The following ARHGEF18 variants were observed in gnomAD, a reference collection of about 807,000 sequenced individuals.
ARHGEF18 encodes the protein rho guanine nucleotide exchange factor 18.
In ARHGEF18, 93 loss-of-function variants were observed where a neutral mutation model predicts 155.7. The ratio of observed to expected loss-of-function variants is 0.60; its 90% CI spans 0.50 to 0.71. The LOEUF is 0.71. Ranked by LOEUF, ARHGEF18 falls within the 30% of genes least tolerant of loss-of-function variation. The pLI, the probability that ARHGEF18 is intolerant of heterozygous loss-of-function variation, is 0.00. For missense variants in ARHGEF18, 1,593 were observed against 1,816.1 expected, an observed-to-expected ratio of 0.88 and a Z score of 2.23; for synonymous variants, 742 against 753.1, an observed-to-expected ratio of 0.99 and a Z score of 0.24.
intron 10 of ARHGEF18, among the ~76,000 whole-genome samples, chr19:7,427,001 C>T (rs1444295086): frequency 1.3e-5 from 2 of 152,118 alleles, no homozygotes; most frequent in Admixed American, 1.3e-4. Context: ...GTGGAGGAGC[C>T]GAGGTCAGGC....
At chr19:7,350,763 GGTGGGTGTGTGTGTGTGTGTGTGTGTGT>G (rs1267069484) in intron 1 of ARHGEF18, among the ~76,000 whole-genome samples, 25 of 133,252 alleles carry the variant, frequency 1.9e-4, no homozygotes, top group East Asian at 9.7e-4. Context: ...AGTTTTTTGG[GGTGGGTGTGTGTGTGTGTGTGTGTGTGT>G]GTGTGTGTGT....
At chr19:7,391,144 C>A (rs1413282553) in intron 10 of ARHGEF18, among the ~76,000 whole-genome samples, 1 of 152,112 alleles carries the variant, frequency 6.6e-6, no homozygotes, top group Non-Finnish European at 1.5e-5. Context: ...CATGAAGGGG[C>A]CAAAACACCC....
intron 10 of ARHGEF18, among the ~76,000 whole-genome samples, chr19:7,414,763 C>T (rs984247067): frequency 2.6e-5 from 4 of 151,648 alleles, no homozygotes; most frequent in Non-Finnish European, 5.9e-5. Context: ...GAGCTGAGAT[C>T]GCGCCATTGC....
intron 20 of ARHGEF18, among the ~76,000 whole-genome samples, chr19:7,461,448 G>A (rs1976252226): frequency 6.6e-6 from 1 of 152,110 alleles, no homozygotes; most frequent in Non-Finnish European, 1.5e-5. Context: ...TACTCGGGAG[G>A]CTGAGGCAGG....
chr19:7,370,423 G>C (rs1970150645), intron 2 of ARHGEF18, among the ~76,000 whole-genome samples: 1 of 151,942 alleles, frequency 6.6e-6, no homozygotes, highest in African/African-American at 2.4e-5. Context: ...GTGAACCCGG[G>C]AGGTGGAGCT....
intron 10 of ARHGEF18, among the ~76,000 whole-genome samples, chr19:7,397,160 G>A (rs1971759393): frequency 6.6e-6 from 1 of 150,590 alleles, no homozygotes; most frequent in African/African-American, 2.4e-5. Flanking sequence ...GCAAACAGCT[G>A]GCAGGCATAA....
chr19:7,376,849 C>A, intron 5 of ARHGEF18, 92 bp downstream of exon 5: 1 of 928,604 alleles, frequency 1.1e-6, no homozygotes, highest in Non-Finnish European at 1.4e-6. Context: ...TTTCATCCTT[C>A]ATCCTGGAGG....
chr19:7,458,419 A>G, intron 18 of ARHGEF18, 93 bp from the exon 19 acceptor site: 1 of 1,193,946 alleles, frequency 8.4e-7, no homozygotes, highest in Non-Finnish European at 1.2e-6. Flanking sequence ...CGTGACCCCC[A>G]CTCTTAGTTC....
intron 3 of ARHGEF18, among the ~76,000 whole-genome samples, chr19:7,374,926 G>A (rs552603356): frequency 2.0e-5 from 3 of 152,152 alleles, no homozygotes; most frequent in Admixed American, 2.0e-4. Context: ...GAGGCAGGGG[G>A]TGCTCTAGCC....
chr19:7,386,063 G>C (rs915162336), intron 10 of ARHGEF18, among the ~76,000 whole-genome samples: 2 of 136,778 alleles, frequency 1.5e-5, no homozygotes, highest in African/African-American at 2.8e-5. Context: ...GCCACCCCCG[G>C]GGCTGGAGTG....
chr19:7,373,049 AG>A lies in ARHGEF18; in HGVS notation c.254del (p.Ser85ThrfsTer31). The A allele has an allele frequency of 8.1e-7, 1 of 1,234,418 alleles. No homozygotes were observed. The highest frequency in any genetic ancestry group is 1.0e-6 in the Non-Finnish European group (1 of 988,224). 76.5% of individuals were successfully genotyped at this position (1,234,418 alleles called of 1,614,324 possible). On this transcript the variant is annotated frameshift_variant, in exon 3 of 29. Transcript: ENST00000668164. LOFTEE classifies it high-confidence loss of function. Reference sequence around the variant, plus strand: ...GCGGCGCAGCTGGGAAAGGTCGCGGAGCTGCTCAGAGAGCTGGCGGAGGTCA... The same window carrying A: ...GCGGCGCAGCTGGGAAAGGTCGCGGACTGCTCAGAGAGCTGGCGGAGGTCA... ...SRRRSWERSR[S>X]CSESWRRLSL...
intron 10 of ARHGEF18, among the ~76,000 whole-genome samples, chr19:7,404,352 C>T (rs553739262): frequency 1.3e-5 from 2 of 151,848 alleles, no homozygotes; most frequent in Admixed American, 6.6e-5. Flanking sequence ...CTGTAAATAC[C>T]GACTGATCTG....
At chr19:7,379,432 A>AC (rs1233730438) in intron 7 of ARHGEF18, among the ~76,000 whole-genome samples, 3 of 152,144 alleles carry the variant, frequency 2.0e-5, no homozygotes, top group African/African-American at 7.2e-5. Flanking sequence ...GGTGGCACGC[A>AC]CCTGTAATCC....
chr19:7,458,983 T>C (rs1010902609), intron 19 of ARHGEF18, among the ~76,000 whole-genome samples: 8 of 152,196 alleles, frequency 5.3e-5, no homozygotes, highest in African/African-American at 1.4e-4. Flanking sequence ...TGGCATCTTG[T>C]CCTTCCTCCT....
rs549735115 is a variant in ARHGEF18 at position 7,458,791 on chromosome 19, C to G, written c.2360+101C>G. 1.5e-6 allele frequency: 2 copies of G among 1,329,338 alleles called. 1 individual carries two copies. Among genetic ancestry groups the G allele is most frequent in the Non-Finnish European group, 2.0e-6 (2 of 993,156 alleles). The allele number at this position is 1,329,338 out of a possible 1,614,324, so 82.3% of individuals were successfully genotyped here. A position where few individuals can be genotyped will look rare whatever the true frequency, so the allele number is the denominator to read the frequency against. ...GCCATCAGCTGTGACCTTGAACTCC[C>G]TCATCCCAGCTTGGGACCCATGACG... On this transcript the variant is annotated intron_variant, in intron 19 of 28. Transcript: ENST00000668164.
At chr19:7,371,033 C>T (rs1052089319) in intron 2 of ARHGEF18, among the ~76,000 whole-genome samples, 2 of 152,086 alleles carry the variant, frequency 1.3e-5, no homozygotes, top group African/African-American at 4.8e-5. Flanking sequence ...ACCTCAGCCT[C>T]CCATGTAGCT....
At position 7,385,819 on chromosome 19, in the gene ARHGEF18, A is replaced by ATCTCTC. The variant is rs1252967510; in HGVS notation, c.967+2619_967+2620insCTCTCT. ...TCAAAATTTCTATTTTAGAGATAGG[A>ATCTCTC]TCTATCTCTCTCTATCTCTCTCTCT... On this transcript the variant is annotated intron_variant, in intron 10 of 28. Transcript: ENST00000668164. Among the ~76,000 whole-genome samples, 29 of 89,316 alleles carry ATCTCTC rather than the reference A, an allele frequency of 3.2e-4. 1 individual carries two copies. The highest frequency in any genetic ancestry group is 1.3e-3 in the African/African-American group (20 of 15,472). The allele number at this position is 89,316 out of a possible 152,430, so 58.6% of individuals were successfully genotyped here.
chr19:7,368,381 A>G (rs757782401), intron 2 of ARHGEF18, among the ~76,000 whole-genome samples: 32 of 152,102 alleles, frequency 2.1e-4, no homozygotes, highest in Non-Finnish European at 1.9e-4. Context: ...CCAGCAGGGC[A>G]GCGTACGATG....
chr19:7,378,447 C>T lies in ARHGEF18; in HGVS notation c.595C>T (p.His199Tyr). 1 of 1,234,340 alleles carries T rather than the reference C, an allele frequency of 8.1e-7. No individual in the cohort carries two copies. Among genetic ancestry groups the T allele is most frequent in the Non-Finnish European group, 1.0e-6 (1 of 988,198 alleles). The allele number at this position is 1,234,340 out of a possible 1,614,324, so 76.5% of individuals were successfully genotyped here. Residue 199 changes from histidine (H) to tyrosine (Y), a missense_variant, in exon 6 of 29, where the codon CAC (histidine) becomes TAC (tyrosine). Coordinates refer to ENST00000668164, the MANE Select transcript of ARHGEF18 (RefSeq NM_001367823.1). ...GGAAAAAGACCATGTGGAACCAGATCACGTGTGAGTTTCTGCCTCGTGGTG... is the reference window on the plus strand; with the variant it reads ...GGAAAAAGACCATGTGGAACCAGATTACGTGTGAGTTTCTGCCTCGTGGTG... ...CMEKDHVEPD[H>Y]VLIVQQVLQE...
Sources: gnomAD v4.1 joint callset for allele counts (sites outside exome capture counted in the v4.1 genomes callset) on GRCh38, gnomAD v4.1.1 for gene constraint, MANE v1.5 for transcripts, NCBI Gene and HGNC (gene_info 2026-07-23, HGNC 2026-07-21) for gene names.